Variants in SLC35F3 observed in about 807,000 individuals in gnomAD.
The protein encoded by SLC35F3 is putative thiamine transporter SLC35F3.
A neutral mutation model predicts 49.9 loss-of-function variants in SLC35F3; 25 were observed. The ratio of observed to expected loss-of-function variants is 0.50; its 90% CI spans 0.37 to 0.70. The LOEUF (loss-of-function observed/expected upper bound fraction) is 0.70. Ranked by LOEUF, SLC35F3 falls within the 30% of genes least tolerant of loss-of-function variation. The pLI, the probability that SLC35F3 is intolerant of heterozygous loss-of-function variation, is 0.00. For synonymous variants in SLC35F3, 275 were observed against 265.4 expected (o/e 1.04, Z -0.35); for missense variants, 525 against 639.8 (o/e 0.82, Z 1.94).
At chr1:234,292,875 A>C (rs1257722126) in intron 3 of SLC35F3, among the ~76,000 whole-genome samples, 1 of 152,244 alleles carries the variant, frequency 6.6e-6, no homozygotes, top group Non-Finnish European at 1.5e-5. Context: ...TTCCAGCTTT[A>C]GATTTTCAAG....
At chr1:234,090,710 T>C (rs1665030256) in intron 2 of SLC35F3, among the ~76,000 whole-genome samples, 1 of 152,184 alleles carries the variant, frequency 6.6e-6, no homozygotes, top group Non-Finnish European at 1.5e-5. Context: ...AGGACACTTT[T>C]TGGGTTCCTG....
intron 3 of SLC35F3, among the ~76,000 whole-genome samples, chr1:234,266,331 C>T (rs142232159): frequency 3.5e-4 from 53 of 152,232 alleles, no homozygotes; most frequent in Admixed American, 1.4e-3. Flanking sequence ...AAAAAAAATG[C>T]TCCACTTATT....
chr1:233,954,893 G>T (rs947060366), intron 2 of SLC35F3, among the ~76,000 whole-genome samples: 1 of 152,074 alleles, frequency 6.6e-6, no homozygotes, highest in Non-Finnish European at 1.5e-5. Flanking sequence ...GCCCAGCCTG[G>T]AGTGCAATGG....
In SLC35F3 at chr1:234,169,222, ATCT is replaced by A. The variant is rs149935289; in HGVS notation, c.284-62190_284-62188del. On this transcript the variant is annotated intron_variant, in intron 2 of 7. Transcript: ENST00000366618. ...TGCCCACCCGCATTGGCAAGGGCAG[ATCT>A]TCTTTACTCAGCCTACTGTTTGAAA... Among the ~76,000 whole-genome samples the A allele has an allele frequency of 7.3e-3, 1,117 of 152,314 alleles. 20 individuals carry two copies. Among genetic ancestry groups the A allele is most frequent in the African/African-American group, 0.025 (1,057 of 41,558 alleles).
chr1:233,977,492 G>T (rs1395984205), intron 2 of SLC35F3, among the ~76,000 whole-genome samples: 1 of 152,168 alleles, frequency 6.6e-6, no homozygotes, highest in African/African-American at 2.4e-5. Flanking sequence ...AGAGTTAGGG[G>T]ACAGGGAGCT....
chr1:234,110,531 A>T (rs1288543541), intron 2 of SLC35F3, among the ~76,000 whole-genome samples: 3 of 152,266 alleles, frequency 2.0e-5, no homozygotes, highest in Non-Finnish European at 4.4e-5. Flanking sequence ...GAGTGGACAG[A>T]TGGATAAAAT....
chr1:234,108,730 T>G (rs1665345822), intron 2 of SLC35F3, among the ~76,000 whole-genome samples: 1 of 44,128 alleles, frequency 2.3e-5, no homozygotes, highest in Non-Finnish European at 4.5e-5. Context: ...TATATAAATA[T>G]ATATATCTTT....
intron 2 of SLC35F3, among the ~76,000 whole-genome samples, chr1:234,066,958 T>A (rs1032118331): frequency 2.6e-5 from 4 of 152,122 alleles, no homozygotes; most frequent in African/African-American, 9.7e-5. Flanking sequence ...ATTCCATGAC[T>A]TCATTTGCGT....
intron 2 of SLC35F3, among the ~76,000 whole-genome samples, chr1:234,009,568 C>T (rs1276500535): frequency 6.6e-6 from 1 of 152,106 alleles, no homozygotes; most frequent in Non-Finnish European, 1.5e-5. Context: ...TATAATGTAC[C>T]TCCCAACCAC....
chr1:234,020,742 A>T (rs1179754913), intron 2 of SLC35F3, among the ~76,000 whole-genome samples: 1 of 152,166 alleles, frequency 6.6e-6, no homozygotes, highest in Non-Finnish European at 1.5e-5. Context: ...ATACAATAAG[A>T]GCCTGAGATT....
chr1:234,318,060 A>G (rs888248185), intron 5 of SLC35F3, among the ~76,000 whole-genome samples: 1 of 152,198 alleles, frequency 6.6e-6, no homozygotes, highest in Non-Finnish European at 1.5e-5. Context: ...AAGCAGGAAA[A>G]GTAAGAGAGA....
rs542881513 is a variant in SLC35F3, at chr1:234,038,567, T to G, written c.283+132809T>G. Among the ~76,000 whole-genome samples the G allele has an allele frequency of 2.9e-3, 445 of 152,256 alleles. 7 individuals carry two copies. The highest frequency in any genetic ancestry group is 3.9e-3 in the Admixed American group (59 of 15,300). On this transcript the variant is annotated intron_variant, in intron 2 of 7. Transcript: ENST00000366618. ...GACTTCCACAATGGTTGAACTAGTT[T>G]ACAGTCCCACCAACAGTGTAAAAAA...
At chr1:234,117,365 G>A (rs1289394483) in intron 2 of SLC35F3, among the ~76,000 whole-genome samples, 1 of 152,152 alleles carries the variant, frequency 6.6e-6, no homozygotes, top group South Asian at 2.1e-4. Flanking sequence ...GCTGAGGTGG[G>A]CAGATCACCT....
intron 2 of SLC35F3, among the ~76,000 whole-genome samples, chr1:233,976,103 A>T (rs910290075): frequency 6.6e-6 from 1 of 152,174 alleles, no homozygotes; most frequent in Non-Finnish European, 1.5e-5. Flanking sequence ...AGGAGGAGGG[A>T]GGGAGAAAGA....
intron 2 of SLC35F3, among the ~76,000 whole-genome samples, chr1:233,979,040 TAA>T (rs112116771): frequency 9.8e-6 from 1 of 101,974 alleles, no homozygotes; most frequent in African/African-American, 3.6e-5. Flanking sequence ...CGTTTCCAAT[TAA>T]AAAAAAAAAA....
At chr1:234,221,232 T>C (rs766370383) in intron 2 of SLC35F3, among the ~76,000 whole-genome samples, 9 of 152,170 alleles carry the variant, frequency 5.9e-5, no homozygotes, top group Non-Finnish European at 1.2e-4. Flanking sequence ...GTTGAAGTGT[T>C]TGACAGTGAG....
chr1:233,997,132 A>G (rs544956075), intron 2 of SLC35F3, among the ~76,000 whole-genome samples: 4 of 152,136 alleles, frequency 2.6e-5, no homozygotes, highest in African/African-American at 7.2e-5. Flanking sequence ...ATACACCACA[A>G]TTTCTTTCTC....
At chr1:234,131,169 G>A (rs936411) in intron 2 of SLC35F3, among the ~76,000 whole-genome samples, 58,638 of 151,976 alleles carry the variant, frequency 0.39, 13,300 homozygotes, top group Non-Finnish European at 0.52. Context: ...TTCTGAGGTT[G>A]TGGTGATGTT....
chr1:234,316,887 A>C (rs1037441577), intron 5 of SLC35F3, among the ~76,000 whole-genome samples, 160 bp downstream of exon 5: 13 of 152,206 alleles, frequency 8.5e-5, no homozygotes, highest in African/African-American at 2.9e-4. Context: ...CAACAGGCAG[A>C]CAGAGACTTC....
Sources: gnomAD v4.1 joint callset for allele counts (sites outside exome capture counted in the v4.1 genomes callset) on GRCh38, gnomAD v4.1.1 for gene constraint, MANE v1.5 for transcripts, NCBI Gene and HGNC (gene_info 2026-07-23, HGNC 2026-07-21) for gene names.